MDGA2: variants seen among roughly 807,000 people sequenced by gnomAD.
MDGA2 encodes MAM domain-containing glycosylphosphatidylinositol anchor protein 2.
MDGA2 carries 40 observed loss-of-function variants against 117.8 expected under a neutral mutation model. The ratio of observed to expected loss-of-function variants is 0.34; its 90% CI spans 0.26 to 0.44. The LOEUF (loss-of-function observed/expected upper bound fraction) is 0.44, where lower values mean the gene tolerates loss of function less well. MDGA2 is among the 20% of genes least tolerant of loss of function. MDGA2 has a pLI of 1.00. For missense variants in MDGA2, 1,123 were observed against 1,250.6 expected (o/e 0.90, Z 1.54); for synonymous variants, 452 against 439.0 (o/e 1.03, Z -0.37).
rs371800581 is a variant in MDGA2 at position 47,065,086 on chromosome 14, T to G, written c.1196-3508A>C. Among the ~76,000 whole-genome samples, 86 of 152,258 alleles carry G rather than the reference T, an allele frequency of 5.6e-4. 1 individual carries two copies. The South Asian group carries it at 0.017, about 31-fold the overall frequency. On this transcript the variant is annotated intron_variant, in intron 6 of 16. Coordinates refer to ENST00000399232, the MANE Select transcript of MDGA2 (RefSeq NM_001113498.3). ...TGGCTTAATGTATCATAAATCGTGA[T>G]AGATGAACCTTAAAAGGTACTTGTT...
intron 1 of MDGA2, among the ~76,000 whole-genome samples, chr14:47,328,660 T>A (rs1167583592): frequency 6.6e-6 from 1 of 152,150 alleles, no homozygotes; most frequent in Admixed American, 6.6e-5. Context: ...TTTTTTTAAA[T>A]TTATTTCTGT....
At chr14:47,072,610 T>C (rs1050049265) in intron 6 of MDGA2, among the ~76,000 whole-genome samples, 3 of 152,196 alleles carry the variant, frequency 2.0e-5, no homozygotes, top group African/African-American at 7.2e-5. Flanking sequence ...CAGCATCACC[T>C]GAGAATTTGT....
At chr14:47,456,310 GAGA>G (rs1893352517) in intron 1 of MDGA2, among the ~76,000 whole-genome samples, 3 of 53,756 alleles carry the variant, frequency 5.6e-5, no homozygotes, top group East Asian at 8.8e-4. Context: ...TTTTTTTTTT[GAGA>G]AGGAGTTTCG....
At chr14:47,655,236 A>G (rs1248653513) in intron 1 of MDGA2, among the ~76,000 whole-genome samples, 4 of 152,170 alleles carry the variant, frequency 2.6e-5, no homozygotes, top group African/African-American at 9.7e-5. Flanking sequence ...ATCCAACTTT[A>G]GTTCATGGTA....
At chr14:47,200,530 T>TTTTG in intron 3 of MDGA2, 2 of 611,706 alleles carry the variant, frequency 3.3e-6, no homozygotes, top group Non-Finnish European at 5.0e-6. Context: ...TTTCTTTTTC[T>TTTTG]TTTCTTTTTT....
At chr14:47,371,453 T>C (rs1228871378) in intron 1 of MDGA2, among the ~76,000 whole-genome samples, 2 of 151,778 alleles carry the variant, frequency 1.3e-5, no homozygotes, top group South Asian at 2.1e-4. Flanking sequence ...TAATATATTT[T>C]CTCATAAAAT....
chr14:47,139,654 A>G (rs1388399492), intron 4 of MDGA2, among the ~76,000 whole-genome samples: 2 of 151,520 alleles, frequency 1.3e-5, no homozygotes, highest in African/African-American at 4.8e-5. Flanking sequence ...AAACAATACT[A>G]ACATAAAAGT....
intron 1 of MDGA2, among the ~76,000 whole-genome samples, chr14:47,609,881 C>A (rs1162828261): frequency 6.6e-6 from 1 of 151,862 alleles, no homozygotes; most frequent in Admixed American, 6.6e-5. Context: ...GCCAGCATCA[C>A]CCTAATGCTA....
chr14:47,599,047 A>G (rs2138874448), intron 1 of MDGA2, among the ~76,000 whole-genome samples: 1 of 152,194 alleles, frequency 6.6e-6, no homozygotes, highest in East Asian at 1.9e-4. Flanking sequence ...CTCGTGTGCT[A>G]CAACCACCAT....
intron 1 of MDGA2, among the ~76,000 whole-genome samples, chr14:47,490,372 A>G (rs1042309830): frequency 6.6e-6 from 1 of 152,134 alleles, no homozygotes; most frequent in Non-Finnish European, 1.5e-5. Flanking sequence ...CTATCAAAGA[A>G]CCTAATTAAA....
chr14:47,345,015 C>T (rs1251083299), intron 1 of MDGA2, among the ~76,000 whole-genome samples: 2 of 151,960 alleles, frequency 1.3e-5, no homozygotes, highest in Non-Finnish European at 2.9e-5. Context: ...GTTAATATTT[C>T]AACCAAATGT....
In MDGA2 at chr14:47,134,035, T is replaced by C. The variant is rs536522674; in HGVS notation, c.793-2189A>G. Among the ~76,000 whole-genome samples, 3 of 152,226 alleles carry C rather than the reference T, an allele frequency of 2.0e-5. No individual in the cohort carries two copies. The South Asian group carries it at 6.2e-4, about 32-fold the overall frequency. On this transcript the variant is annotated intron_variant, in intron 4 of 16. Transcript: ENST00000399232. The stretch of plus-strand genomic sequence containing the variant: ...TGTATACATTTAAGGTATACAACTG[T>C]GCTTTGATATACATTGTAAAATAAT...
intron 2 of MDGA2, among the ~76,000 whole-genome samples, chr14:47,241,650 A>C (rs540173522): frequency 1.3e-5 from 2 of 151,892 alleles, no homozygotes; most frequent in Non-Finnish European, 2.9e-5. Context: ...ATGTGAAAAG[A>C]GTAGAAATGT....
At chr14:47,229,770 G>C (rs1239725670) in intron 2 of MDGA2, among the ~76,000 whole-genome samples, 1 of 151,524 alleles carries the variant, frequency 6.6e-6, no homozygotes, top group Non-Finnish European at 1.5e-5. Context: ...TGAATCATCA[G>C]TATGTCATTT....
intron 10 of MDGA2, among the ~76,000 whole-genome samples, chr14:46,894,699 G>T (rs933970322): frequency 2.0e-5 from 3 of 152,030 alleles, no homozygotes; most frequent in African/African-American, 4.8e-5. Flanking sequence ...CCTCAGGAAA[G>T]AATTTGTATG....
rs528256233 is a variant in MDGA2, at chr14:47,394,734, C to T, written c.281-93184G>A. 1.7e-4 allele frequency among the ~76,000 whole-genome samples: 26 copies of T among 152,132 alleles called. 2 individuals are homozygous for T. The highest frequency in any genetic ancestry group is 4.8e-4 in the African/African-American group (20 of 41,512). ...GTGTGGATTTATTCACATGATTAAA[C>T]ATAAAGTGTCAAATTAAAACAAAAA... On this transcript the variant is annotated intron_variant, in intron 1 of 16. Coordinates refer to ENST00000399232, the MANE Select transcript of MDGA2 (RefSeq NM_001113498.3).
intron 7 of MDGA2, among the ~76,000 whole-genome samples, chr14:47,053,117 C>T (rs1889514980): frequency 6.6e-6 from 1 of 151,910 alleles, no homozygotes; most frequent in Non-Finnish European, 1.5e-5. Context: ...AAAAGCTTTC[C>T]ACTGCATGGA....
At chr14:47,153,575 T>C (rs987901815) in intron 3 of MDGA2, among the ~76,000 whole-genome samples, 7 of 151,888 alleles carry the variant, frequency 4.6e-5, no homozygotes, top group Non-Finnish European at 7.4e-5. Context: ...GCTACAGATA[T>C]GGATTTGGGA....
chr14:47,227,144 A>C (rs1886533005), intron 2 of MDGA2, among the ~76,000 whole-genome samples: 1 of 152,118 alleles, frequency 6.6e-6, no homozygotes, highest in Non-Finnish European at 1.5e-5. Context: ...TGATTCCCTT[A>C]GAGCCCTTTA....
Sources: allele counts gnomAD v4.1 joint callset (sites outside exome capture counted in the v4.1 genomes callset), GRCh38; gene constraint gnomAD v4.1.1; transcripts MANE v1.5; gene names NCBI Gene and HGNC (gene_info 2026-07-23, HGNC 2026-07-21).